ARHGEF33: variants seen among roughly 807,000 people sequenced by gnomAD.
ARHGEF33 encodes the protein Rho guanine nucleotide exchange factor 33, also known as DH and coiled-coil domain-containing protein ENSP00000381780.
In ARHGEF33, 72 loss-of-function variants were observed where a neutral mutation model predicts 101.9. That is an observed-to-expected ratio of 0.71 (90% confidence interval 0.58 to 0.86). The LOEUF is 0.86. Among genes scored for constraint, ARHGEF33 ranks in the 40% least tolerant of loss-of-function variants. The pLI, the probability that ARHGEF33 is intolerant of heterozygous loss-of-function variation, is 0.00. For synonymous variants in ARHGEF33, 499 were observed against 442.5 expected (o/e 1.13, Z -1.60); for missense variants, 1,169 against 1,111.3 (o/e 1.05, Z -0.74).
At chr2:38,900,544 C>A (rs912742317) in intron 2 of ARHGEF33, among the ~76,000 whole-genome samples, 2 of 152,172 alleles carry the variant, frequency 1.3e-5, no homozygotes, top group South Asian at 2.1e-4. Flanking sequence ...AGGAACAAAC[C>A]AAGTGAATTC....
At position 38,954,405 on chromosome 2, in the gene ARHGEF33, G is replaced by T; in HGVS notation, c.1170G>T (p.Thr390=). The part of the protein sequence containing the change: ...GDEEIKSDIY[T]LFFHIVQRIP... ...AAGAGATTAAATCTGACATCTACACGTTGTTTTTTCACATAGTCCAGCGCA... is the reference window on the plus strand; with the variant it reads ...AAGAGATTAAATCTGACATCTACACTTTGTTTTTTCACATAGTCCAGCGCA... The change falls in exon 13 of 18, where the codon ACG becomes ACT. Residue 390 remains threonine, a synonymous_variant. Coordinates refer to ENST00000409978, the MANE Select transcript of ARHGEF33 (RefSeq NM_001145451.5). 2 of 1,550,922 alleles carry T rather than the reference G, an allele frequency of 1.3e-6. No homozygotes were observed. The highest frequency in any genetic ancestry group is 4.9e-5 in the East Asian group (2 of 40,910).
intron 2 of ARHGEF33, among the ~76,000 whole-genome samples, chr2:38,908,684 C>T (rs950597553): frequency 1.6e-4 from 24 of 152,204 alleles, no homozygotes; most frequent in African/African-American, 5.5e-4. Flanking sequence ...CTGTGCTTTG[C>T]TCCTGTTCTC....
At chr2:38,968,623 C>T (rs1256930498) in intron 17 of ARHGEF33, among the ~76,000 whole-genome samples, 1 of 152,214 alleles carries the variant, frequency 6.6e-6, no homozygotes, top group Non-Finnish European at 1.5e-5. Context: ...CCAGTGGATT[C>T]CCTTAGTCCT....
chr2:38,944,328 T>C (rs1178753200), intron 10 of ARHGEF33, among the ~76,000 whole-genome samples: 1 of 152,180 alleles, frequency 6.6e-6, no homozygotes, highest in African/African-American at 2.4e-5. Flanking sequence ...CACTTTGTTG[T>C]TGTGTCTTCC....
intron 12 of ARHGEF33, among the ~76,000 whole-genome samples, chr2:38,953,969 C>G (rs75060550): frequency 8.9e-4 from 136 of 152,322 alleles, no homozygotes; most frequent in African/African-American, 2.7e-3. Flanking sequence ...TAATGACACT[C>G]CCTTTTCCAT....
rs1242149204 is a variant in ARHGEF33, at chr2:38,959,878, C to A, written c.1573C>A (p.Gln525Lys). The change falls in exon 16 of 18, where the codon CAA becomes AAA. Residue 525 changes from glutamine (Q) to lysine (K), a missense_variant. Physicochemically the swap from Gln to Lys is moderately conservative, Grantham distance 53. Coordinates refer to ENST00000409978, the MANE Select transcript of ARHGEF33 (RefSeq NM_001145451.5). ...CCCAGTGAAGAAAAGCCAACAGCAG[C>A]AAAGCCTGATGGAGAGCATGCAGCC... ...MPPVKKSQQQQSLMESMQPGK... is the reference protein window; with the variant it reads ...MPPVKKSQQQKSLMESMQPGK... The A allele has an allele frequency of 1.3e-6, 2 of 1,551,156 alleles. No individual in the cohort carries two copies. The highest frequency in any genetic ancestry group is 2.7e-5 in the African/African-American group (2 of 73,036).
intron 17 of ARHGEF33, chr2:38,972,022 A>C (rs1376388211): frequency 1.4e-6 from 1 of 703,136 alleles, no homozygotes; most frequent in Non-Finnish European, 2.7e-6. Flanking sequence ...TGTAGCTAAG[A>C]GGGGAAATAC....
At chr2:38,904,265 A>G (rs913018173) in intron 2 of ARHGEF33, among the ~76,000 whole-genome samples, 21 of 152,208 alleles carry the variant, frequency 1.4e-4, no homozygotes, top group African/African-American at 5.1e-4. Flanking sequence ...CAGACCAGGC[A>G]GCAGGGAGAA....
intron 9 of ARHGEF33, among the ~76,000 whole-genome samples, chr2:38,942,582 C>T (rs1261946043): frequency 1.3e-5 from 2 of 150,040 alleles, no homozygotes; most frequent in Non-Finnish European, 3.0e-5. Context: ...AAATTAGCCT[C>T]TCTTTTTAAA....
intron 2 of ARHGEF33, among the ~76,000 whole-genome samples, chr2:38,913,680 G>A (rs1458088839): frequency 6.6e-6 from 1 of 151,766 alleles, no homozygotes; most frequent in Non-Finnish European, 1.5e-5. Flanking sequence ...GGAGGCCGAG[G>A]CACGAGAATC....
intron 13 of ARHGEF33, among the ~76,000 whole-genome samples, chr2:38,956,058 A>G: frequency 6.6e-6 from 1 of 152,226 alleles, no homozygotes; most frequent in East Asian, 1.9e-4. Flanking sequence ...CAATCCCATG[A>G]AATAGGTATT....
At chr2:38,932,806 AT>A (rs1667037921) in intron 7 of ARHGEF33, among the ~76,000 whole-genome samples, 1 of 152,230 alleles carries the variant, frequency 6.6e-6, no homozygotes, top group South Asian at 2.1e-4. Flanking sequence ...GATCCAGATG[AT>A]TTCAGTGCCT....
chr2:38,917,327 A>G (rs1256211696), intron 2 of ARHGEF33, among the ~76,000 whole-genome samples: 2 of 151,686 alleles, frequency 1.3e-5, no homozygotes, highest in African/African-American at 4.8e-5. Context: ...CCTGACCTCA[A>G]GTGATCCGCC....
chr2:38,907,258 G>A (rs1205139067), intron 2 of ARHGEF33, among the ~76,000 whole-genome samples: 1 of 152,160 alleles, frequency 6.6e-6, no homozygotes, highest in East Asian at 1.9e-4. Flanking sequence ...CATTTTCAAG[G>A]TTTGACTATG....
At chr2:38,918,033 C>T (rs894543229) in intron 2 of ARHGEF33, among the ~76,000 whole-genome samples, 2 of 152,134 alleles carry the variant, frequency 1.3e-5, no homozygotes, top group Admixed American at 6.5e-5. Flanking sequence ...TAGTTGTAAG[C>T]AACAGCAAAC....
At position 38,960,147 on chromosome 2, in the gene ARHGEF33, A is replaced by C. The variant is rs959397962; in HGVS notation, c.1842A>C (p.Glu614Asp). ...DARGFVPAAY[E>D]EFEYGGEIFA... is the part of the protein sequence containing the mutation. ...GCGGCTTCGTGCCCGCGGCCTACGA[A>C]GAGTTCGAGTACGGCGGCGAGATCT... The change falls in exon 16 of 18, where the codon GAA becomes GAC. Residue 614 changes from glutamate to aspartate, a missense_variant. Physicochemically the swap from Glu to Asp is conservative, Grantham distance 45. Transcript: ENST00000409978. 1.4e-5 allele frequency: 21 copies of C among 1,543,036 alleles called. No individual in the cohort carries two copies. Among genetic ancestry groups the C allele is most frequent in the Non-Finnish European group, 1.7e-5 (20 of 1,145,494 alleles).
At chr2:38,945,146 T>C (rs996537142) in intron 10 of ARHGEF33, among the ~76,000 whole-genome samples, 1 of 152,212 alleles carries the variant, frequency 6.6e-6, no homozygotes, top group Admixed American at 6.5e-5. Flanking sequence ...TGTGGACATA[T>C]GTGGCATTAT....
At chr2:38,929,245 A>G (rs949276242) in intron 5 of ARHGEF33, among the ~76,000 whole-genome samples, 174 bp downstream of exon 5, 1 of 152,106 alleles carries the variant, frequency 6.6e-6, no homozygotes, top group Non-Finnish European at 1.5e-5. Flanking sequence ...CCTGGCCAAT[A>G]TGGTGAAACC....
At chr2:38,921,692 C>T (rs536723483) in intron 4 of ARHGEF33, among the ~76,000 whole-genome samples, 1 of 152,220 alleles carries the variant, frequency 6.6e-6, no homozygotes, top group East Asian at 1.9e-4. Flanking sequence ...TCCTGAGTAG[C>T]TGAGGCTATA....
Sources: allele counts gnomAD v4.1 joint callset (sites outside exome capture counted in the v4.1 genomes callset), GRCh38; gene constraint gnomAD v4.1.1; transcripts MANE v1.5; gene names NCBI Gene and HGNC (gene_info 2026-07-23, HGNC 2026-07-21).